GPHN: variants seen among roughly 807,000 people sequenced by gnomAD.
The protein encoded by GPHN is gephyrin.
Under a neutral mutation model 95.5 loss-of-function variants are expected in GPHN, and 17 were observed. The observed-to-expected ratio is 0.18, with a 90% CI of 0.12 to 0.27. GPHN has a LOEUF of 0.27. GPHN is among the 10% of genes least tolerant of loss of function. GPHN has a pLI of 1.00. For synonymous variants in GPHN, 320 were observed against 322.5 expected, an observed-to-expected ratio of 0.99 and a Z score of 0.08; for missense variants, 660 against 978.1, an observed-to-expected ratio of 0.67 and a Z score of 4.34.
intron 2 of GPHN, among the ~76,000 whole-genome samples, chr14:66,772,555 A>C: frequency 6.6e-6 from 1 of 152,250 alleles, no homozygotes; most frequent in Non-Finnish European, 1.5e-5. Context: ...GAGAGATTGG[A>C]AACATCATTT....
At chr14:66,927,146 C>T (rs1212317637) in intron 8 of GPHN, among the ~76,000 whole-genome samples, 1 of 151,892 alleles carries the variant, frequency 6.6e-6, no homozygotes, top group Non-Finnish European at 1.5e-5. Flanking sequence ...GTCAAGAGTT[C>T]GAGACCAGCC....
the GPHN span, among the ~76,000 whole-genome samples, chr14:67,455,569 T>TA: frequency 6.6e-6 from 1 of 152,176 alleles, no homozygotes. Context: ...AAACAGGATT[T>TA]AAAAAATAAC....
chr14:67,433,687 C>T, the GPHN span, among the ~76,000 whole-genome samples: 154 of 152,238 alleles, frequency 1.0e-3, no homozygotes, highest in African/African-American at 3.6e-3. Context: ...AAGCAGTCAT[C>T]ACTATATTTC....
At chr14:67,021,469 A>G (rs900481762) in intron 9 of GPHN, among the ~76,000 whole-genome samples, 19 of 152,142 alleles carry the variant, frequency 1.2e-4, no homozygotes, top group African/African-American at 4.3e-4. Context: ...GCCACAAAGC[A>G]ACACTTGGGT....
intron 20 of GPHN, among the ~76,000 whole-genome samples, chr14:67,165,952 CT>C (rs971713273): frequency 2.5e-4 from 38 of 152,102 alleles, no homozygotes; most frequent in East Asian, 9.6e-4. Context: ...TATTGTGCAT[CT>C]TTTTTTTAAC....
intron 3 of GPHN, among the ~76,000 whole-genome samples, chr14:66,806,407 A>G (rs909210377): frequency 2.6e-5 from 4 of 152,202 alleles, no homozygotes; most frequent in Non-Finnish European, 5.9e-5. Context: ...CTTGTTACTC[A>G]TGCAGATTTC....
intron 9 of GPHN, among the ~76,000 whole-genome samples, chr14:67,008,183 G>A (rs919699058): frequency 6.6e-6 from 1 of 152,158 alleles, no homozygotes; most frequent in African/African-American, 2.4e-5. Context: ...GACCAGGCGT[G>A]GTGGCTCATG....
At chr14:67,561,322 G>T in the GPHN span, among the ~76,000 whole-genome samples, 1 of 152,308 alleles carries the variant, frequency 6.6e-6, no homozygotes, top group African/African-American at 2.4e-5. Flanking sequence ...AGACCTAGGC[G>T]GGTGGATTGC....
intron 2 of GPHN, among the ~76,000 whole-genome samples, chr14:66,707,729 A>T (rs1271853828): frequency 1.3e-5 from 2 of 152,172 alleles, no homozygotes; most frequent in African/African-American, 4.8e-5. Context: ...TCACTGTGGC[A>T]CATGTATACC....
the GPHN span, among the ~76,000 whole-genome samples, chr14:67,361,730 C>G: frequency 3.9e-5 from 6 of 152,148 alleles, no homozygotes; most frequent in Admixed American, 3.3e-4. Flanking sequence ...GTGGCTGATA[C>G]TTTTTACATC....
At chr14:67,225,057 TCAC>T in the GPHN span, 1 of 1,457,318 alleles carries the variant, frequency 6.9e-7, no homozygotes. Context: ...TTTTTCTTTC[TCAC>T]TTCCTCTCTA....
intron 2 of GPHN, among the ~76,000 whole-genome samples, chr14:66,764,771 T>G (rs1002935587): frequency 6.6e-6 from 1 of 151,942 alleles, no homozygotes; most frequent in Admixed American, 6.6e-5. Flanking sequence ...TAGCACAAAT[T>G]TAAAATATAA....
the GPHN span, chr14:67,725,309 C>T: frequency 1.9e-6 from 3 of 1,576,848 alleles, no homozygotes; most frequent in Admixed American, 1.7e-5. Flanking sequence ...GGAGTGGCTG[C>T]TCCACCCTAG....
intron 9 of GPHN, among the ~76,000 whole-genome samples, chr14:66,966,245 A>G (rs1355727806): frequency 2.0e-5 from 3 of 152,190 alleles, no homozygotes; most frequent in East Asian, 1.9e-4. Flanking sequence ...CATCTTTTCT[A>G]TCAGTTTTGT....
chr14:66,985,280 G>T (rs1426749286), intron 9 of GPHN, among the ~76,000 whole-genome samples: 1 of 152,078 alleles, frequency 6.6e-6, no homozygotes, highest in Non-Finnish European at 1.5e-5. Context: ...CATGTTTCTA[G>T]TCATACCATT....
At chr14:66,774,034 C>T (rs1478707934) in intron 2 of GPHN, among the ~76,000 whole-genome samples, 3 of 127,400 alleles carry the variant, frequency 2.4e-5, no homozygotes, top group East Asian at 2.4e-4. Context: ...GATGGAGTCT[C>T]GCCCTGTCGC....
At chr14:67,533,385 C>A in the GPHN span, 1 of 151,582 alleles carries the variant, frequency 6.6e-6, no homozygotes, top group African/African-American at 2.4e-5. Flanking sequence ...GGGACGGCCG[C>A]GAGCTCGCTG....
At chr14:66,557,689 T>A (rs890590377) in intron 1 of GPHN, among the ~76,000 whole-genome samples, 1 of 152,118 alleles carries the variant, frequency 6.6e-6, no homozygotes, top group African/African-American at 2.4e-5. Flanking sequence ...ACAAGAAAGG[T>A]AGTTGAGGGC....
chr14:67,476,246 T>G, the GPHN span, among the ~76,000 whole-genome samples: 1 of 152,246 alleles, frequency 6.6e-6, no homozygotes, highest in Non-Finnish European at 1.5e-5. Context: ...TGCATTGCTC[T>G]GTGGTCTTCC....
Sources: allele counts gnomAD v4.1 joint callset (sites outside exome capture counted in the v4.1 genomes callset), GRCh38; gene constraint gnomAD v4.1.1; transcripts MANE v1.5; gene names NCBI Gene and HGNC (gene_info 2026-07-23, HGNC 2026-07-21).